The following PKHD1 variants were observed in gnomAD, a reference collection of about 807,000 sequenced individuals.
The protein encoded by PKHD1 is PKHD1 ciliary IPT domain containing fibrocystin/polyductin.
A neutral mutation model predicts 412.0 loss-of-function variants in PKHD1; 291 were observed. That is an observed-to-expected ratio of 0.71 (90% confidence interval 0.64 to 0.78). The LOEUF is 0.78. Among genes scored for constraint, PKHD1 ranks in the 30% least tolerant of loss-of-function variants. The pLI is 0.00. For synonymous variants in PKHD1, 1,777 were observed against 1,821.5 expected, an observed-to-expected ratio of 0.98 and a Z score of 0.62; for missense variants, 4,825 against 4,950.7, an observed-to-expected ratio of 0.97 and a Z score of 0.76.
At chr6:51,711,440 G>A (rs1780652642) in intron 60 of PKHD1, among the ~76,000 whole-genome samples, 1 of 152,164 alleles carries the variant, frequency 6.6e-6, no homozygotes, top group African/African-American at 2.4e-5. Flanking sequence ...CTCTATCCCT[G>A]AGCTTTATGG....
At chr6:51,649,752 T>A (rs1770644269) in intron 61 of PKHD1, among the ~76,000 whole-genome samples, 1 of 152,176 alleles carries the variant, frequency 6.6e-6, no homozygotes, top group Admixed American at 6.6e-5. Context: ...AGTACACCAC[T>A]GTTTACACAG....
intron 35 of PKHD1, among the ~76,000 whole-genome samples, chr6:51,964,497 C>T (rs1375774126): frequency 6.6e-6 from 1 of 152,132 alleles, no homozygotes; most frequent in Non-Finnish European, 1.5e-5. Context: ...CTCATCTCTA[C>T]CTAATACAAT....
intron 52 of PKHD1, among the ~76,000 whole-genome samples, chr6:51,812,187 T>A (rs939174315): frequency 1.3e-5 from 2 of 152,192 alleles, no homozygotes; most frequent in Non-Finnish European, 2.9e-5. Context: ...TAATAGCTGG[T>A]AGGTCCACAG....
intron 60 of PKHD1, among the ~76,000 whole-genome samples, chr6:51,729,615 G>C (rs1392813492): frequency 1.3e-5 from 2 of 152,134 alleles, no homozygotes; most frequent in Non-Finnish European, 2.9e-5. Flanking sequence ...CAGAAGTACA[G>C]AGCTTTAGGT....
chr6:51,792,286 A>G lies in PKHD1; in HGVS notation c.8303-913T>C, dbSNP rs116509639. 5.5e-3 allele frequency among the ~76,000 whole-genome samples: 842 copies of G among 152,352 alleles called. 6 individuals are homozygous for G. Among genetic ancestry groups the G allele is most frequent in the African/African-American group, 0.018 (751 of 41,580 alleles). ...TAGCAGTAATTCAACACTATAAATG[A>G]CATCAAATAAAGATTTTTGCTTAAA... On this transcript the variant is annotated intron_variant, in intron 52 of 66. Coordinates refer to ENST00000371117, the MANE Select transcript of PKHD1 (RefSeq NM_138694.4).
intron 60 of PKHD1, among the ~76,000 whole-genome samples, chr6:51,679,297 G>A (rs1269809932): frequency 6.6e-6 from 1 of 152,086 alleles, no homozygotes; most frequent in Non-Finnish European, 1.5e-5. Flanking sequence ...TAGCAGTAAT[G>A]TGTGTTCGCC....
chr6:51,688,245 C>T (rs1002500775), intron 60 of PKHD1, among the ~76,000 whole-genome samples: 11 of 152,282 alleles, frequency 7.2e-5, no homozygotes, highest in Admixed American at 7.2e-4. Context: ...TATAAAATGC[C>T]TTGGTTTGTT....
At chr6:51,734,150 C>T (rs1205367131) in intron 60 of PKHD1, among the ~76,000 whole-genome samples, 1 of 152,090 alleles carries the variant, frequency 6.6e-6, no homozygotes, top group Non-Finnish European at 1.5e-5. Flanking sequence ...TGGGAAACAC[C>T]GGGTAACACA....
At chr6:51,927,080 GAATA>G (rs528689467) in intron 37 of PKHD1, among the ~76,000 whole-genome samples, 12 of 152,074 alleles carry the variant, frequency 7.9e-5, no homozygotes, top group Non-Finnish European at 1.6e-4. Context: ...GTAGAAAAAG[GAATA>G]AATACTTTTT....
At chr6:52,029,240 G>A (rs1338897530) in intron 29 of PKHD1, among the ~76,000 whole-genome samples, 1 of 152,094 alleles carries the variant, frequency 6.6e-6, no homozygotes, top group Non-Finnish European at 1.5e-5. Context: ...AAAAAAAAAG[G>A]TCAAGACCTG....
intron 34 of PKHD1, among the ~76,000 whole-genome samples, chr6:52,016,170 A>G (rs562153937): frequency 9.8e-5 from 15 of 152,300 alleles, no homozygotes; most frequent in African/African-American, 3.4e-4. Context: ...TTGCCCTTTT[A>G]GAAAGCAACC....
Position 51,896,645 on chromosome 6 carries a change from C to T in PKHD1, c.6996+6952G>A, listed in dbSNP as rs370471952. Among the ~76,000 whole-genome samples the T allele has an allele frequency of 6.4e-4, 98 of 152,112 alleles. No homozygotes were observed. In the East Asian group the frequency reaches 0.011, roughly 16 times the overall value. ...AAGGAACGCAGTTCCTCACCAGCAACGGAACAAAGCTGGACGGAGAATGAC... is the reference window on the plus strand; with the variant it reads ...AAGGAACGCAGTTCCTCACCAGCAATGGAACAAAGCTGGACGGAGAATGAC... On this transcript the variant is annotated intron_variant, in intron 43 of 66. Transcript: ENST00000371117.
At chr6:51,928,817 C>T (rs1448451508) in intron 37 of PKHD1, among the ~76,000 whole-genome samples, 2 of 152,000 alleles carry the variant, frequency 1.3e-5, no homozygotes, top group African/African-American at 4.8e-5. Flanking sequence ...AGGGGTGAGT[C>T]CTGTGGACAT....
chr6:51,683,396 G>A (rs1776969750), intron 60 of PKHD1, among the ~76,000 whole-genome samples: 1 of 152,100 alleles, frequency 6.6e-6, no homozygotes, highest in Non-Finnish European at 1.5e-5. Context: ...AGGCAAAGTA[G>A]TGGCTGGAAC....
rs1208784164 is a variant in PKHD1 at position 51,667,585 on chromosome 6, A to G, written c.10157-7616T>C. 3.3e-5 allele frequency among the ~76,000 whole-genome samples: 5 copies of G among 152,082 alleles called. No individual in the cohort carries two copies. In the East Asian group the frequency reaches 5.8e-4, roughly 18 times the overall value. ...TTTGTCCATTTTGCCTTTTGTTGCC[A>G]TTGCTTTTGGTGTTTTAGACATGAA... is the stretch of plus-strand genomic sequence containing the variant. On this transcript the variant is annotated intron_variant, in intron 60 of 66. Coordinates refer to ENST00000371117, the MANE Select transcript of PKHD1 (RefSeq NM_138694.4).
intron 55 of PKHD1, among the ~76,000 whole-genome samples, chr6:51,763,384 T>C (rs896143649): frequency 6.6e-6 from 1 of 152,102 alleles, no homozygotes; most frequent in African/African-American, 2.4e-5. Flanking sequence ...ATTAATAAAA[T>C]TGAGTTCCTT....
intron 60 of PKHD1, among the ~76,000 whole-genome samples, chr6:51,729,528 A>G (rs958537268): frequency 1.3e-5 from 2 of 151,912 alleles, no homozygotes; most frequent in Non-Finnish European, 2.9e-5. Flanking sequence ...TTTCTTTTTC[A>G]TTTTCTGTTT....
intron 60 of PKHD1, among the ~76,000 whole-genome samples, chr6:51,734,253 C>CA (rs1461608059): frequency 1.3e-5 from 2 of 152,130 alleles, no homozygotes; most frequent in African/African-American, 4.8e-5. Flanking sequence ...TAGGAATAGT[C>CA]AGAGTTTTCA....
At chr6:51,782,051 A>AT (rs200427981) in intron 53 of PKHD1, among the ~76,000 whole-genome samples, 2 of 151,278 alleles carry the variant, frequency 1.3e-5, no homozygotes, top group Middle Eastern at 3.4e-3. Context: ...TAATAAATTT[A>AT]TATGATTAAT....
Sources: gnomAD v4.1 joint callset for allele counts (sites outside exome capture counted in the v4.1 genomes callset) on GRCh38, gnomAD v4.1.1 for gene constraint, MANE v1.5 for transcripts, NCBI Gene and HGNC (gene_info 2026-07-23, HGNC 2026-07-21) for gene names.